FBXL2: variants seen among roughly 807,000 people sequenced by gnomAD.
FBXL2 encodes the protein F-box/LRR-repeat protein 2.
FBXL2 carries 38 observed loss-of-function variants against 69.2 expected under a neutral mutation model. That is an observed-to-expected ratio of 0.55 (90% CI 0.42 to 0.72). The LOEUF is 0.72. Among genes scored for constraint, FBXL2 ranks in the 30% least tolerant of loss-of-function variants. The pLI is 0.00. For missense variants in FBXL2, 354 were observed against 520.3 expected (o/e 0.68, Z 3.11); for synonymous variants, 192 against 201.3 (o/e 0.95, Z 0.39).
the FBXL2 span, chr3:33,412,892 T>C: frequency 9.6e-7 from 1 of 1,037,458 alleles, no homozygotes; most frequent in South Asian, 1.3e-5. Flanking sequence ...GGACCATTTC[T>C]ACTTCTTATG....
chr3:33,293,553 T>C (rs2035455013), intron 1 of FBXL2, among the ~76,000 whole-genome samples: 1 of 152,214 alleles, frequency 6.6e-6, no homozygotes, highest in South Asian at 2.1e-4. Flanking sequence ...ATACTGGTTC[T>C]GTAGACTCTA....
At chr3:33,388,762 C>T (rs997572550), downstream of FBXL2, 2 of 152,156 alleles carry the variant, frequency 1.3e-5, no homozygotes, top group African/African-American at 2.4e-5. Flanking sequence ...CAGATATTTT[C>T]AAATCGATGA....
downstream of FBXL2, among the ~76,000 whole-genome samples, chr3:33,404,135 G>A (rs865843902): frequency 6.6e-6 from 1 of 152,136 alleles, no homozygotes; most frequent in South Asian, 2.1e-4. Flanking sequence ...TAATGAGGCC[G>A]GGCGCGGTGG....
chr3:33,413,230 T>C, the FBXL2 span, among the ~76,000 whole-genome samples: 6 of 152,254 alleles, frequency 3.9e-5, no homozygotes, highest in South Asian at 1.2e-3. Context: ...TAAAACTTTG[T>C]TAATTTAAAA....
At chr3:33,371,106 C>T (rs113290233) in intron 5 of FBXL2, among the ~76,000 whole-genome samples, 184 of 151,266 alleles carry the variant, frequency 1.2e-3, no homozygotes, top group African/African-American at 4.4e-3. Flanking sequence ...TTTCTTCTGC[C>T]ATATCTAATC....
chr3:33,408,083 G>A (rs1575469665), downstream of FBXL2, among the ~76,000 whole-genome samples: 1 of 152,008 alleles, frequency 6.6e-6, no homozygotes. Context: ...AATTCACAAT[G>A]CAACTGCCAA....
chr3:33,415,072 T>C, the FBXL2 span, among the ~76,000 whole-genome samples: 1 of 152,236 alleles, frequency 6.6e-6, no homozygotes. Flanking sequence ...ACAAGGAAGT[T>C]GAACTTAAAG....
At chr3:33,356,919 G>A (rs1046476252) in intron 2 of FBXL2, among the ~76,000 whole-genome samples, 70 of 152,138 alleles carry the variant, frequency 4.6e-4, no homozygotes, top group African/African-American at 1.5e-3. Flanking sequence ...CAATCCTGAG[G>A]GAAAAGCAGC....
downstream of FBXL2, chr3:33,389,109 A>G (rs576075092): frequency 6.5e-6 from 1 of 152,780 alleles, no homozygotes; most frequent in African/African-American, 2.4e-5. Flanking sequence ...GGAAAGTGAG[A>G]AAACAGTGGA....
At chr3:33,378,254 A>G in intron 12 of FBXL2, 107 bp downstream of exon 12, 2 of 1,176,662 alleles carry the variant, frequency 1.7e-6, no homozygotes, top group Non-Finnish European at 2.5e-6. Flanking sequence ...ACCCTCCTTG[A>G]TCAACCTCAG....
intron 11 of FBXL2, among the ~76,000 whole-genome samples, chr3:33,377,735 G>A (rs894505175): frequency 5.1e-4 from 78 of 152,216 alleles, no homozygotes; most frequent in African/African-American, 1.7e-3. Flanking sequence ...TGATATACTT[G>A]GCTACCTCCA....
Position 33,321,321 on chromosome 3 carries a change from GAAAAAGA to G in FBXL2, c.65+23609_65+23615del, listed in dbSNP as rs1228926566. The stretch of plus-strand genomic sequence containing the variant: ...CCTGACTCCATCTCAAAAAAAAAAA[GAAAAAGA>G]AAAAAGAAAAAAAAGAAAAAGAAAA... On this transcript the variant is annotated intron_variant, in intron 2 of 14. Transcript: ENST00000484457. 5.6e-5 allele frequency among the ~76,000 whole-genome samples: 8 copies of G among 143,102 alleles called. No individual in the cohort carries two copies. The East Asian group carries it at 6.1e-4, about 11-fold the overall frequency. The allele number at this position is 143,102 out of a possible 152,430, so 93.9% of individuals were successfully genotyped here. A position where few individuals can be genotyped will look rare whatever the true frequency, so the allele number is the denominator to read the frequency against.
At chr3:33,407,337 G>GAATT (rs2044453497), downstream of FBXL2, among the ~76,000 whole-genome samples, 1 of 151,996 alleles carries the variant, frequency 6.6e-6, no homozygotes, top group African/African-American at 2.4e-5. Context: ...TTTTATTTAG[G>GAATT]AATTACCAGA....
At chr3:33,401,581 T>C (rs1475031571) in intron 12 of FBXL2, among the ~76,000 whole-genome samples, 14 of 152,198 alleles carry the variant, frequency 9.2e-5, no homozygotes. Flanking sequence ...CCACAGGGAA[T>C]AGGGCTACCT....
intron 1 of FBXL2, among the ~76,000 whole-genome samples, chr3:33,292,404 G>C (rs1263128445): frequency 6.6e-6 from 1 of 151,896 alleles, no homozygotes; most frequent in Non-Finnish European, 1.5e-5. Context: ...ACAAATTTGT[G>C]TGTACCTCAC....
In FBXL2 at chr3:33,375,386, T is replaced by C. The variant is rs565835800; in HGVS notation, c.756T>C (p.Leu252=). The C allele has an allele frequency of 6.4e-5, 103 of 1,614,208 alleles. 1 individual carries two copies. Among genetic ancestry groups the C allele is most frequent in the Non-Finnish European group, 6.2e-5 (73 of 1,180,018 alleles). ...SGCSNLTDAS[L]TALGLNCPRL... The stretch of plus-strand genomic sequence containing the variant: ...GCAGCAACCTCACAGATGCCTCTCT[T>C]ACAGCCCTGGGTTTGAACTGTCCGC... The change falls in exon 10 of 15, where the codon CTT becomes CTC. Residue 252 remains leucine (L), a synonymous_variant. Transcript: ENST00000484457.
intron 4 of FBXL2, among the ~76,000 whole-genome samples, chr3:33,363,241 A>G (rs906871048): frequency 2.6e-5 from 4 of 152,158 alleles, no homozygotes; most frequent in Admixed American, 6.5e-5. Context: ...GGGTTTCACC[A>G]TGTTGGCCAG....
At chr3:33,388,655 T>C (rs2043615480), downstream of FBXL2, 1 of 152,118 alleles carries the variant, frequency 6.6e-6, no homozygotes, top group Non-Finnish European at 1.5e-5. Context: ...ACTCACTTCT[T>C]TCCCCAGTGA....
intron 1 of FBXL2, among the ~76,000 whole-genome samples, chr3:33,281,732 C>A (rs1467558524): frequency 6.6e-6 from 1 of 151,932 alleles, no homozygotes; most frequent in East Asian, 1.9e-4. Context: ...TTAATGATCG[C>A]CATTCTAACT....
Sources: gnomAD v4.1 joint callset for allele counts (sites outside exome capture counted in the v4.1 genomes callset) on GRCh38, gnomAD v4.1.1 for gene constraint, MANE v1.5 for transcripts, NCBI Gene and HGNC (gene_info 2026-07-23, HGNC 2026-07-21) for gene names.